The following KMT2E variants were observed in gnomAD, a reference collection of about 807,000 sequenced individuals.
KMT2E encodes the protein lysine methyltransferase 2E (inactive), also known as histone reader KMT2E.
In KMT2E, 30 loss-of-function variants were observed where a neutral mutation model predicts 184.6. That is an observed-to-expected ratio of 0.16 (90% CI 0.12 to 0.22). The LOEUF (loss-of-function observed/expected upper bound fraction) is 0.22. KMT2E is among the 10% of genes least tolerant of loss of function. The pLI, the probability that KMT2E is intolerant of heterozygous loss-of-function variation, is 1.00. For missense variants in KMT2E, 2,023 were observed against 2,237.4 expected (o/e 0.90, Z 1.93); for synonymous variants, 815 against 776.5 (o/e 1.05, Z -0.82).
chr7:105,021,434 A>G (rs897030269), intron 1 of KMT2E, among the ~76,000 whole-genome samples: 4 of 152,184 alleles, frequency 2.6e-5, no homozygotes, highest in African/African-American at 4.8e-5. Flanking sequence ...AGTTTATTTC[A>G]CCTTCTTAAA....
At chr7:105,103,714 GA>G in intron 17 of KMT2E, 1 of 151,416 alleles carries the variant, frequency 6.6e-6, no homozygotes, top group Non-Finnish European at 1.5e-5. Flanking sequence ...GTTACCTTTG[GA>G]AAAAAGGATG....
At chr7:105,084,205 C>T (rs1444644858) in intron 13 of KMT2E, among the ~76,000 whole-genome samples, 1 of 152,218 alleles carries the variant, frequency 6.6e-6, no homozygotes, top group Non-Finnish European at 1.5e-5. Context: ...TACAACTGCA[C>T]ACCTCAATCT....
intron 3 of KMT2E, among the ~76,000 whole-genome samples, chr7:105,055,446 C>G (rs967974178): frequency 6.6e-6 from 1 of 152,154 alleles, no homozygotes; most frequent in African/African-American, 2.4e-5. Context: ...ATTCTCATCT[C>G]TGGCACATCC....
intron 1 of KMT2E, among the ~76,000 whole-genome samples, chr7:105,017,830 A>ATC (rs1190293130): frequency 6.6e-6 from 1 of 152,128 alleles, no homozygotes; most frequent in Admixed American, 6.5e-5. Context: ...AAATGAAAGG[A>ATC]TCTCTCTGAT....
chr7:105,107,746 G>C lies in KMT2E; in HGVS notation c.3289G>C (p.Gly1097Arg), dbSNP rs1272818359. The change falls in exon 22 of 27, where the codon GGA becomes CGA. Residue 1097 changes from glycine to arginine, a missense_variant. Gly to Arg is a moderately radical substitution (Grantham distance 125). This residue lies in a region of KMT2E where 1,108 missense variants were observed against 1,050.9 expected (regional missense o/e 1.05). Coordinates refer to ENST00000311117, the MANE Select transcript of KMT2E (RefSeq NM_182931.3). ...LTPSHQLEVG[G>R]GFRISESKCL... Reference sequence around the variant, plus strand: ...ACCCTCGCATCAGTTGGAGGTTGGAGGAGGCTTCCGAATAAGTGAGTCAAA... The same window carrying C: ...ACCCTCGCATCAGTTGGAGGTTGGACGAGGCTTCCGAATAAGTGAGTCAAA... 1 of 1,614,030 alleles carries C rather than the reference G, an allele frequency of 6.2e-7. No individual in the cohort carries two copies. Among genetic ancestry groups the C allele is most frequent in the Non-Finnish European group, 8.5e-7 (1 of 1,180,038 alleles).
intron 17 of KMT2E, 25 bp from the exon 18 acceptor site, chr7:105,105,414 G>T: frequency 6.5e-7 from 1 of 1,533,122 alleles, no homozygotes; most frequent in South Asian, 1.3e-5. Flanking sequence ...CATATATAAT[G>T]ATCCAATTTT....
In KMT2E at chr7:105,099,008, G is replaced by A. The variant is rs1315800282; in HGVS notation, c.1723-2417G>A. 5.9e-5 allele frequency among the ~76,000 whole-genome samples: 9 copies of A among 152,112 alleles called. 1 individual carries two copies. Among genetic ancestry groups the A allele is most frequent in the African/African-American group, 1.7e-4 (7 of 41,402 alleles). On this transcript the variant is annotated intron_variant, in intron 15 of 26. Transcript: ENST00000311117. ...TTCAGTTAGAGCTATAAAATGGGAG[G>A]CAAATTTTGTCTTTAAATAGGTACC...
At position 105,106,729 on chromosome 7, in the gene KMT2E, C is replaced by T; in HGVS notation, c.2804C>T (p.Thr935Ile). The T allele has an allele frequency of 6.2e-7, 1 of 1,613,762 alleles. No individual in the cohort carries two copies. Among genetic ancestry groups the T allele is most frequent in the Non-Finnish European group, 8.5e-7 (1 of 1,179,746 alleles). The change falls in exon 20 of 27, where the codon ACC becomes ATC. Residue 935 changes from threonine to isoleucine, a missense_variant. Around this residue, in one of 8 missense-constraint regions of KMT2E, gnomAD observed 514 missense variants for 621.8 expected, o/e 0.83. Transcript: ENST00000311117. ...NGYKPIYSPV[T>I]PVTPGTPGNT... ...TATAAACCCATATATTCACCAGTTACCCCAGTAACTCCTGGTACACCAGGA... is the reference window on the plus strand; with the variant it reads ...TATAAACCCATATATTCACCAGTTATCCCAGTAACTCCTGGTACACCAGGA...
chr7:105,019,738 C>T (rs1314190876), intron 1 of KMT2E, among the ~76,000 whole-genome samples: 1 of 152,060 alleles, frequency 6.6e-6, no homozygotes, highest in African/African-American at 2.4e-5. Flanking sequence ...CTTAGCACCT[C>T]TTAGGCTGCT....
At chr7:105,045,671 T>C (rs1584721427) in intron 3 of KMT2E, among the ~76,000 whole-genome samples, 1 of 152,234 alleles carries the variant, frequency 6.6e-6, no homozygotes, top group East Asian at 1.9e-4. Context: ...AGATGTACTA[T>C]ATTTTGCTTA....
intron 15 of KMT2E, among the ~76,000 whole-genome samples, chr7:105,095,784 C>T (rs570978613): frequency 1.8e-4 from 28 of 152,182 alleles, no homozygotes; most frequent in East Asian, 1.9e-4. Flanking sequence ...TCACTAGATT[C>T]CAAAAACCAG....
intron 4 of KMT2E, 91 bp downstream of exon 4, chr7:105,062,369 G>A: frequency 2.7e-6 from 2 of 728,436 alleles, no homozygotes; most frequent in South Asian, 2.4e-5. Flanking sequence ...CGGCATGTTT[G>A]AAAAGCATGG....
At chr7:105,110,418 G>A in intron 24 of KMT2E, 50 bp downstream of exon 24, 1 of 1,613,906 alleles carries the variant, frequency 6.2e-7, no homozygotes, top group East Asian at 2.2e-5. Flanking sequence ...TAATCACTCT[G>A]CATCCTCGTT....
At position 105,112,167 on chromosome 7, in the gene KMT2E, T is replaced by G. The variant is rs1250751769; in HGVS notation, c.4411T>G (p.Ser1471Ala). The G allele has an allele frequency of 6.2e-7, 1 of 1,614,096 alleles. No homozygotes were observed. Among genetic ancestry groups the G allele is most frequent in the South Asian group, 1.1e-5 (1 of 91,080 alleles). Residue 1471 changes from serine (S) to alanine (A), a missense_variant, in exon 27 of 27, where the codon TCA (serine) becomes GCA (alanine). By Grantham distance (99) the Ser-to-Ala change is moderately conservative. Around this residue, in one of 8 missense-constraint regions of KMT2E, gnomAD observed 1,108 missense variants for 1,050.9 expected, o/e 1.05. Transcript: ENST00000311117. ...QHGYLSPKPP[S>A]QQLGSPYRPH... is the part of the protein sequence containing the mutation. Reference sequence around the variant, plus strand: ...TGGTTATCTTTCACCAAAGCCTCCTTCACAGCAGTTAGGATCTCCCTACAG... The same window carrying G: ...TGGTTATCTTTCACCAAAGCCTCCTGCACAGCAGTTAGGATCTCCCTACAG...
intron 6 of KMT2E, among the ~76,000 whole-genome samples, chr7:105,067,832 C>T (rs950449825): frequency 3.9e-5 from 6 of 151,908 alleles, no homozygotes; most frequent in Non-Finnish European, 8.8e-5. Flanking sequence ...ATGAGCCAGG[C>T]GTGGTGTCAC....
In KMT2E at chr7:105,113,007, C is replaced by A. The variant is rs1584821298; in HGVS notation, c.5251C>A (p.Pro1751Thr). 1.9e-6 allele frequency: 3 copies of A among 1,613,998 alleles called. No individual in the cohort carries two copies. Among genetic ancestry groups the A allele is most frequent in the Non-Finnish European group, 2.5e-6 (3 of 1,179,966 alleles). The change falls in exon 27 of 27, where the codon CCT becomes ACT. Residue 1751 changes from proline (P) to threonine (T), a missense_variant. Pro to Thr is a conservative substitution (Grantham distance 38, BLOSUM62 -1). Coordinates refer to ENST00000311117, the MANE Select transcript of KMT2E (RefSeq NM_182931.3). ...HPPHQGPPLFPSSAHPTVPPY... is the reference protein window; with the variant it reads ...HPPHQGPPLFTSSAHPTVPPY... ...ACCTCATCAAGGACCTCCACTTTTT[C>A]CTTCGAGTGCTCATCCAACTGTACC... is the stretch of plus-strand genomic sequence containing the variant.
At chr7:105,065,554 A>G (rs1796993907) in intron 5 of KMT2E, among the ~76,000 whole-genome samples, 1 of 152,180 alleles carries the variant, frequency 6.6e-6, no homozygotes, top group African/African-American at 2.4e-5. Context: ...TGAACCCTAC[A>G]GTACTTTGTT....
intron 22 of KMT2E, 50 bp downstream of exon 22, chr7:105,107,975 T>TTTC (rs777580238): frequency 1.1e-5 from 13 of 1,158,596 alleles, no homozygotes; most frequent in Non-Finnish European, 3.6e-6. Context: ...TTTTTTTTTT[T>TTTC]CATAATACTA....
intron 1 of KMT2E, among the ~76,000 whole-genome samples, chr7:105,037,516 C>A (rs1795709169): frequency 6.6e-6 from 1 of 152,142 alleles, no homozygotes; most frequent in African/African-American, 2.4e-5. Context: ...GTGTGCATCA[C>A]CACATCCAGC....
Sources: gnomAD v4.1 joint callset for allele counts (sites outside exome capture counted in the v4.1 genomes callset) on GRCh38, gnomAD v4.1.1 for gene constraint, gnomAD v4.1.1 regional missense constraint, MANE v1.5 for transcripts, NCBI Gene and HGNC (gene_info 2026-07-23, HGNC 2026-07-21) for gene names.